Variants in LGI2 observed in about 807,000 individuals in gnomAD.
LGI2 encodes the protein leucine rich repeat LGI family member 2, also known as leucine-rich repeat LGI family member 2.
Under a neutral mutation model 52.0 loss-of-function variants are expected in LGI2, and 30 were observed. That is an observed-to-expected ratio of 0.58 (90% CI 0.43 to 0.78). The LOEUF (loss-of-function observed/expected upper bound fraction) is 0.78. Among genes scored for constraint, LGI2 ranks in the 30% least tolerant of loss-of-function variants. LGI2 has a pLI of 0.00. For synonymous variants in LGI2, 270 were observed against 271.8 expected, an observed-to-expected ratio of 0.99 and a Z score of 0.06; for missense variants, 573 against 692.5, an observed-to-expected ratio of 0.83 and a Z score of 1.94.
At chr4:24,997,788 G>A (rs1293317854), downstream of LGI2, among the ~76,000 whole-genome samples, 1 of 152,172 alleles carries the variant, frequency 6.6e-6, no homozygotes, top group East Asian at 1.9e-4. Context: ...CTTCAAACCA[G>A]TGGAATAGAG....
Position 25,001,362 on chromosome 4 carries a change from A to G in LGI2, c.*2089T>C, listed in dbSNP as rs1725234437. 1 of 152,230 alleles carries G rather than the reference A, an allele frequency of 6.6e-6. No homozygotes were observed. The highest frequency in any genetic ancestry group is 6.5e-5 in the Admixed American group (1 of 15,276). 9.4% of individuals were successfully genotyped at this position (152,230 alleles called of 1,614,324 possible). A position where few individuals can be genotyped will look rare whatever the true frequency, so the allele number is the denominator to read the frequency against. On this transcript the variant is annotated 3_prime_UTR_variant, in exon 8 of 8. Coordinates refer to ENST00000382114, the MANE Select transcript of LGI2 (RefSeq NM_018176.4). ...ATTGGGAACATCACTTTGATCTGGC[A>G]TAGTTGCTGGGACTGTCTAAATATC... is the stretch of plus-strand genomic sequence containing the variant.
In LGI2 at chr4:25,006,845, T is replaced by C. The variant is rs545073671; in HGVS notation, c.821-2577A>G. ...AGCTAGTATGTGGTAGAGACTGAGATTTAAATTCAGATAATTTGGCCTCAG... is the reference window on the plus strand; with the variant it reads ...AGCTAGTATGTGGTAGAGACTGAGACTTAAATTCAGATAATTTGGCCTCAG... On this transcript the variant is annotated intron_variant, in intron 7 of 7. Coordinates refer to ENST00000382114, the MANE Select transcript of LGI2 (RefSeq NM_018176.4). Among the ~76,000 whole-genome samples, 82 of 152,298 alleles carry C rather than the reference T, an allele frequency of 5.4e-4. 1 individual carries two copies. The South Asian group carries it at 0.016, about 30-fold the overall frequency.
intron 6 of LGI2, among the ~76,000 whole-genome samples, chr4:25,014,948 C>T (rs1387010961): frequency 6.6e-6 from 1 of 151,892 alleles, no homozygotes; most frequent in Non-Finnish European, 1.5e-5. Flanking sequence ...CTTCTCCCAC[C>T]CCCAATTAAA....
intron 7 of LGI2, among the ~76,000 whole-genome samples, chr4:25,007,032 T>C (rs1049278581): frequency 6.6e-6 from 1 of 152,238 alleles, no homozygotes; most frequent in African/African-American, 2.4e-5. Flanking sequence ...GTTTACGTTA[T>C]CCATAGATAT....
At chr4:25,026,664 C>G (rs565324324) in intron 3 of LGI2, among the ~76,000 whole-genome samples, 2 of 152,310 alleles carry the variant, frequency 1.3e-5, no homozygotes, top group South Asian at 2.1e-4. Flanking sequence ...TTTTGTCTCT[C>G]CCTCTTTGTC....
In LGI2 at chr4:25,003,969, T is replaced by G. The variant is rs1256917959; in HGVS notation, c.1120A>C (p.Thr374Pro). The change falls in exon 8 of 8, where the codon ACG becomes CCG. Residue 374 changes from threonine (T) to proline (P), a missense_variant. Coordinates refer to ENST00000382114, the MANE Select transcript of LGI2 (RefSeq NM_018176.4). ...TCGATATCAACAAACTCCGCATCCG[T>G]GTCCCTGAACCACTCGTGCAGTGAC... ...YQSLHEWFRD[T>P]DAEFVDIDGK... 1 of 1,614,078 alleles carries G rather than the reference T, an allele frequency of 6.2e-7. No individual in the cohort carries two copies. Among genetic ancestry groups the G allele is most frequent in the Non-Finnish European group, 8.5e-7 (1 of 1,180,040 alleles).
chr4:25,023,329 A>C (rs1361723653), intron 4 of LGI2, among the ~76,000 whole-genome samples: 1 of 152,204 alleles, frequency 6.6e-6, no homozygotes, highest in African/African-American at 2.4e-5. Flanking sequence ...TCTCTACAGG[A>C]ATTTGGGGAT....
Position 25,030,719 on chromosome 4 carries a change from C to A in LGI2, c.-26G>T, listed in dbSNP as rs1020671436. 4 of 1,194,614 alleles carry A rather than the reference C, an allele frequency of 3.3e-6. No individual in the cohort carries two copies. Among genetic ancestry groups the A allele is most frequent in the Non-Finnish European group, 4.1e-6 (4 of 964,410 alleles). The allele number at this position is 1,194,614 out of a possible 1,614,324, so 74.0% of individuals were successfully genotyped here. On this transcript the variant is annotated 5_prime_UTR_variant, in exon 1 of 8. Transcript: ENST00000382114. Reference sequence around the variant, plus strand: ...GCCCGGTCCCCGCTCCCCGCCCGGGCCCCGACCCCCACCGCCGCGCCGCGC... The same window carrying A: ...GCCCGGTCCCCGCTCCCCGCCCGGGACCCGACCCCCACCGCCGCGCCGCGC...
At chr4:24,994,886 C>T (rs1025187311), downstream of LGI2, among the ~76,000 whole-genome samples, 2 of 152,098 alleles carry the variant, frequency 1.3e-5, no homozygotes, top group African/African-American at 4.8e-5. Context: ...CGGGGTCAGG[C>T]CACAACCCAC....
intron 4 of LGI2, among the ~76,000 whole-genome samples, chr4:25,022,556 CTG>C (rs1726006389): frequency 6.6e-6 from 1 of 152,166 alleles, no homozygotes; most frequent in South Asian, 2.1e-4. Context: ...CTCGCTCCCT[CTG>C]TGTTTGTGTT....
At chr4:25,015,541 A>C (rs1235796595) in intron 6 of LGI2, among the ~76,000 whole-genome samples, 1 of 152,220 alleles carries the variant, frequency 6.6e-6, no homozygotes, top group African/African-American at 2.4e-5. Context: ...AAAACAGTGA[A>C]ACAGGAGAAA....
In LGI2 at chr4:25,003,595, T is replaced by C; in HGVS notation, c.1494A>G (p.Leu498=). Residue 498 remains leucine (L), a synonymous_variant, in exon 8 of 8, where the codon CTA becomes CTG. Coordinates refer to ENST00000382114, the MANE Select transcript of LGI2 (RefSeq NM_018176.4). ...QIYQWDKEKQ[L]FKKFKEIYVQ... Reference sequence around the variant, plus strand: ...CGTAAATCTCCTTAAACTTTTTGAATAGCTGCTTCTCTTTATCCCACTGGT... The same window carrying C: ...CGTAAATCTCCTTAAACTTTTTGAACAGCTGCTTCTCTTTATCCCACTGGT... 1 of 1,614,216 alleles carries C rather than the reference T, an allele frequency of 6.2e-7. No individual in the cohort carries two copies. Among genetic ancestry groups the C allele is most frequent in the Non-Finnish European group, 8.5e-7 (1 of 1,180,036 alleles).
intron 7 of LGI2, among the ~76,000 whole-genome samples, chr4:25,008,341 T>C (rs1468798687): frequency 6.6e-6 from 1 of 152,048 alleles, no homozygotes; most frequent in African/African-American, 2.4e-5. Flanking sequence ...TCACCTGAGG[T>C]CAGGAGTTCA....
intron 7 of LGI2, among the ~76,000 whole-genome samples, chr4:25,008,426 G>T (rs1178998996): frequency 6.6e-6 from 1 of 151,920 alleles, no homozygotes; most frequent in East Asian, 1.9e-4. Flanking sequence ...GGTGGTGTGT[G>T]CCTGTAATCC....
At chr4:25,020,087 T>G (rs1725907313) in intron 4 of LGI2, among the ~76,000 whole-genome samples, 1 of 152,208 alleles carries the variant, frequency 6.6e-6, no homozygotes, top group African/African-American at 2.4e-5. Flanking sequence ...TACTCGTGAT[T>G]CTAAGAAAGG....
intron 4 of LGI2, among the ~76,000 whole-genome samples, chr4:25,022,154 C>T (rs1046376615): frequency 1.3e-5 from 2 of 152,134 alleles, no homozygotes; most frequent in Non-Finnish European, 2.9e-5. Context: ...AAAACGAACA[C>T]CCAGGCAACA....
At chr4:24,993,188 G>A in the LGI2 span, among the ~76,000 whole-genome samples, 1 of 152,204 alleles carries the variant, frequency 6.6e-6, no homozygotes, top group Non-Finnish European at 1.5e-5. Flanking sequence ...CTAAAGAAGG[G>A]TTAGATATGA....
chr4:25,012,440 T>C lies in LGI2; in HGVS notation c.715A>G (p.Lys239Glu), dbSNP rs1725620750. 6.2e-7 allele frequency: 1 copy of C among 1,614,110 alleles called. No individual in the cohort carries two copies. Among genetic ancestry groups the C allele is most frequent in the South Asian group, 1.1e-5 (1 of 91,090 alleles). Residue 239 changes from lysine (K) to glutamate (E), a missense_variant, in exon 7 of 8, where the codon AAG becomes GAG. Lys to Glu is a moderately conservative substitution (Grantham distance 56, BLOSUM62 1). Coordinates refer to ENST00000382114, the MANE Select transcript of LGI2 (RefSeq NM_018176.4). ...QSVSVDTFNS[K>E]NDVYVAIAQP... ...GCGATGGCCACGTACACATCGTTCT[T>C]GGAGTTGAACGTATCCACTGAAACC...
At chr4:25,008,801 C>G (rs1306893289) in intron 7 of LGI2, among the ~76,000 whole-genome samples, 1 of 152,144 alleles carries the variant, frequency 6.6e-6, no homozygotes, top group African/African-American at 2.4e-5. Context: ...GGGTGGGCTT[C>G]ATGTCATGCC....
Sources: gnomAD v4.1 joint callset for allele counts (sites outside exome capture counted in the v4.1 genomes callset) on GRCh38, gnomAD v4.1.1 for gene constraint, MANE v1.5 for transcripts, NCBI Gene and HGNC (gene_info 2026-07-23, HGNC 2026-07-21) for gene names.